Variants in DNAI3 observed in about 807,000 individuals in gnomAD.
DNAI3 encodes the protein dynein axonemal intermediate chain 3.
In DNAI3, 83 loss-of-function variants were observed where a neutral mutation model predicts 115.5. The ratio of observed to expected loss-of-function variants is 0.72; its 90% CI spans 0.60 to 0.86. The LOEUF (loss-of-function observed/expected upper bound fraction) is 0.86, where lower values mean the gene tolerates loss of function less well. DNAI3 is among the 40% of genes least tolerant of loss of function. The pLI is 0.00. For synonymous variants in DNAI3, 320 were observed against 347.0 expected (o/e 0.92, Z 0.86); for missense variants, 1,004 against 1,075.8 (o/e 0.93, Z 0.93).
Position 85,069,056 on chromosome 1 carries a change from T to A in DNAI3, c.-14-2872T>A, listed in dbSNP as rs191493471. ...GAAGAAATAAATGTTTGTTACCGTATGTCACTGAGATGTAGGGGTCATTTG... is the reference window on the plus strand; with the variant it reads ...GAAGAAATAAATGTTTGTTACCGTAAGTCACTGAGATGTAGGGGTCATTTG... On this transcript the variant is annotated intron_variant, in intron 1 of 22. Transcript: ENST00000294664. Among the ~76,000 whole-genome samples, 3 of 152,352 alleles carry A rather than the reference T, an allele frequency of 2.0e-5. No homozygotes were observed. In the East Asian group the frequency reaches 5.8e-4, roughly 29 times the overall value.
Position 85,118,552 on chromosome 1 carries a change from C to T in DNAI3, c.1917+693C>T, listed in dbSNP as rs188495936. Among the ~76,000 whole-genome samples the T allele has an allele frequency of 2.6e-5, 4 of 152,250 alleles. No individual in the cohort carries two copies. In the East Asian group the frequency reaches 7.7e-4, roughly 29 times the overall value. On this transcript the variant is annotated intron_variant, in intron 17 of 22. Coordinates refer to ENST00000294664, the MANE Select transcript of DNAI3 (RefSeq NM_145172.5). ...GAGTATTTTTCCCAGGCCAAGTCAC[C>T]ATGAGAAGAGGCCATAGCTCAGTCT...
chr1:85,108,389 A>G (rs1187640797), intron 15 of DNAI3, among the ~76,000 whole-genome samples: 1 of 152,156 alleles, frequency 6.6e-6, no homozygotes, highest in Non-Finnish European at 1.5e-5. Context: ...TATTGTATAT[A>G]TTTACACAGA....
chr1:85,097,041 T>C (rs1308291727), intron 11 of DNAI3, among the ~76,000 whole-genome samples: 2 of 152,184 alleles, frequency 1.3e-5, no homozygotes, highest in East Asian at 1.9e-4. Context: ...TTTTAGTCTT[T>C]GGAAACCTAA....
intron 16 of DNAI3, among the ~76,000 whole-genome samples, chr1:85,114,015 C>CTTTTTTTTTTTTT (rs58178754): frequency 8.5e-6 from 1 of 117,670 alleles, no homozygotes; most frequent in Admixed American, 8.9e-5. Flanking sequence ...CAATTTGTAT[C>CTTTTTTTTTTTTT]TTTTTTTTTT....
chr1:85,117,931 T>C (rs1655881105), intron 17 of DNAI3, 72 bp downstream of exon 17: 1 of 1,529,548 alleles, frequency 6.5e-7, no homozygotes, highest in Non-Finnish European at 8.9e-7. Context: ...ATATCTACTG[T>C]ACATTTTTGC....
chr1:85,125,746 T>C (rs1277489524), intron 19 of DNAI3, among the ~76,000 whole-genome samples: 1 of 152,204 alleles, frequency 6.6e-6, no homozygotes, highest in Admixed American at 6.5e-5. Context: ...GAAAATCTCT[T>C]ATGCATATAT....
chr1:85,089,751 G>A (rs1654917467), intron 7 of DNAI3, among the ~76,000 whole-genome samples: 1 of 151,922 alleles, frequency 6.6e-6, no homozygotes, highest in Admixed American at 6.6e-5. Flanking sequence ...CACTGACTTA[G>A]TGAAATGAAG....
At chr1:85,072,959 A>G (rs2100557035) in intron 2 of DNAI3, 95 bp from the exon 3 acceptor site, 1 of 705,060 alleles carries the variant, frequency 1.4e-6, no homozygotes, top group Non-Finnish European at 2.0e-6. Context: ...CGTCTCAAAA[A>G]AAAAAAAAAA....
chr1:85,132,928 A>C lies in DNAI3; in HGVS notation c.2606A>C (p.Glu869Ala). The C allele has an allele frequency of 6.2e-7, 1 of 1,614,046 alleles. No homozygotes were observed. The highest frequency in any genetic ancestry group is 1.1e-5 in the South Asian group (1 of 91,074). ...KMDYESYLEL[E>A]KTVLINLGLI... ...GACTATGAGAGTTATCTGGAACTGG[A>C]AAAGACTGTTCTTATCAACCTTGGC... The change falls in exon 23 of 23, where the codon GAA (glutamate) becomes GCA (alanine). Residue 869 changes from glutamate (E) to alanine (A), a missense_variant. By Grantham distance (107) the Glu-to-Ala change is moderately radical. This residue lies in a region of DNAI3 where 429 missense variants were observed against 454.3 expected (regional missense o/e 0.94). Transcript: ENST00000294664.
At chr1:85,131,467 A>G (rs1487165567) in intron 22 of DNAI3, among the ~76,000 whole-genome samples, 2 of 146,014 alleles carry the variant, frequency 1.4e-5, no homozygotes, top group East Asian at 4.1e-4. Flanking sequence ...AAAAAAATAA[A>G]GCATTAGCAT....
At chr1:85,094,597 A>G in intron 10 of DNAI3, 42 bp downstream of exon 10, 1 of 1,605,782 alleles carries the variant, frequency 6.2e-7, no homozygotes. Flanking sequence ...ATTTTCAAAT[A>G]CTACTTTCAT....
At chr1:85,081,442 C>G (rs1389378944) in intron 4 of DNAI3, 27 bp downstream of exon 4, 1 of 1,520,152 alleles carries the variant, frequency 6.6e-7, no homozygotes. Context: ...TATTTATTTT[C>G]AGTCCTACCT....
chr1:85,077,211 G>A (rs1654483537), intron 3 of DNAI3, among the ~76,000 whole-genome samples: 1 of 152,152 alleles, frequency 6.6e-6, no homozygotes, highest in Non-Finnish European at 1.5e-5. Context: ...AGTGGAGAAG[G>A]GATAGTCTTT....
chr1:85,124,727 T>C (rs905198904), intron 19 of DNAI3, among the ~76,000 whole-genome samples: 2 of 152,138 alleles, frequency 1.3e-5, no homozygotes, highest in Non-Finnish European at 2.9e-5. Context: ...GAAATGGGGA[T>C]TTCACCATGT....
chr1:85,103,365 A>G (rs943665855), intron 13 of DNAI3, among the ~76,000 whole-genome samples: 1 of 152,130 alleles, frequency 6.6e-6, no homozygotes, highest in East Asian at 1.9e-4. Flanking sequence ...ATGCAGACTT[A>G]TGCCCGTGAT....
chr1:85,121,393 T>C (rs1167632091), intron 17 of DNAI3, among the ~76,000 whole-genome samples: 1 of 152,258 alleles, frequency 6.6e-6, no homozygotes, highest in Admixed American at 6.5e-5. Context: ...GACTTTCTAA[T>C]GGGCTGAAAA....
intron 1 of DNAI3, among the ~76,000 whole-genome samples, chr1:85,066,006 C>A (rs1654085843): frequency 6.6e-6 from 1 of 152,150 alleles, no homozygotes; most frequent in Non-Finnish European, 1.5e-5. Flanking sequence ...AGGGGACTTA[C>A]CCAATACACA....
intron 3 of DNAI3, among the ~76,000 whole-genome samples, chr1:85,074,171 C>G (rs1037877549): frequency 2.0e-5 from 3 of 152,114 alleles, no homozygotes; most frequent in African/African-American, 7.2e-5. Context: ...ATTATCTTCC[C>G]ACCTGCAACC....
chr1:85,127,711 T>C (rs1656189477), intron 20 of DNAI3, among the ~76,000 whole-genome samples: 1 of 152,246 alleles, frequency 6.6e-6, no homozygotes, highest in South Asian at 2.1e-4. Flanking sequence ...TTTCCCACTT[T>C]GGTGTAAAAC....
Sources: allele counts gnomAD v4.1 joint callset (sites outside exome capture counted in the v4.1 genomes callset), GRCh38; gene constraint gnomAD v4.1.1; regional missense constraint gnomAD v4.1.1; transcripts MANE v1.5; gene names NCBI Gene and HGNC (gene_info 2026-07-23, HGNC 2026-07-21).